Variants in MAP3K4 observed in about 807,000 individuals in gnomAD.
The protein encoded by MAP3K4 is MAP three kinase 1.
A neutral mutation model predicts 185.6 loss-of-function variants in MAP3K4; 67 were observed. That is an observed-to-expected ratio of 0.36 (90% CI 0.30 to 0.44). The LOEUF (loss-of-function observed/expected upper bound fraction) is 0.44, where lower values mean the gene tolerates loss of function less well. MAP3K4 is among the 20% of genes least tolerant of loss of function. The pLI is 1.00. For missense variants in MAP3K4, 1,551 were observed against 1,995.1 expected (o/e 0.78, Z 4.24); for synonymous variants, 702 against 710.4 (o/e 0.99, Z 0.19).
rs747821945 is a variant in MAP3K4 at position 161,043,690 on chromosome 6, AC to A, written c.344-4925del. Among the ~76,000 whole-genome samples the A allele has an allele frequency of 3.9e-5, 6 of 152,256 alleles. No homozygotes were observed. Among genetic ancestry groups the A allele is most frequent in the Non-Finnish European group, 8.8e-5 (6 of 68,042 alleles). On this transcript the variant is annotated intron_variant, in intron 2 of 26. Transcript: ENST00000392142. This position sits in a 1 kb window ranked among gnomAD's most constrained non-coding sequence, Gnocchi z 4.3. ...GAGCCATTGTAGCCATGTCAGAGAT[AC>A]GTGCACTTTAGCAGGAACGCAGTGA...
In MAP3K4 at chr6:161,108,146, G is replaced by C. The variant is rs970775780; in HGVS notation, c.4119+177G>C. On this transcript the variant is annotated intron_variant, in intron 21 of 26. Transcript: ENST00000392142. The surrounding 1 kb of genome is among the most constrained non-coding windows in gnomAD (Gnocchi z 5.7). ...GAGATAACACACACAGACAGTGAAG[G>C]GGCTTACGATTCCAGAGAGGATAAT... is the stretch of plus-strand genomic sequence containing the variant. 1.5e-4 allele frequency among the ~76,000 whole-genome samples: 23 copies of C among 152,206 alleles called. No individual in the cohort carries two copies. Among genetic ancestry groups the C allele is most frequent in the African/African-American group, 5.5e-4 (23 of 41,442 alleles).
chr6:161,113,933 G>A (rs556018087), intron 25 of MAP3K4, among the ~76,000 whole-genome samples: 16 of 151,768 alleles, frequency 1.1e-4, no homozygotes, highest in Non-Finnish European at 2.2e-4. Context: ...AAGTAGCTGG[G>A]ATTACAGGCA....
At position 161,065,933 on chromosome 6, in the gene MAP3K4, G is replaced by A. The variant is rs528130977; in HGVS notation, c.1708-4675G>A. 4.2e-4 allele frequency among the ~76,000 whole-genome samples: 15 copies of A among 35,660 alleles called. No individual in the cohort carries two copies. In the South Asian group the frequency reaches 9.6e-3, roughly 23 times the overall value. The allele number at this position is 35,660 out of a possible 152,430, so 23.4% of individuals were successfully genotyped here. A position where few individuals can be genotyped will look rare whatever the true frequency, so the allele number is the denominator to read the frequency against. On this transcript the variant is annotated intron_variant, in intron 3 of 26. Coordinates refer to ENST00000392142, the MANE Select transcript of MAP3K4 (RefSeq NM_005922.4). ...AGCCTGGGCAAAAGAGCAAGACTCC[G>A]TCTCAAAAAAAAAAAAAAAAAAAAG...
In MAP3K4 at chr6:161,007,261, A is replaced by G. The variant is rs1781631850; in HGVS notation, c.152+15178A>G. On this transcript the variant is annotated intron_variant, in intron 1 of 26. Coordinates refer to ENST00000392142, the MANE Select transcript of MAP3K4 (RefSeq NM_005922.4). The surrounding 1 kb of genome is among the most constrained non-coding windows in gnomAD (Gnocchi z 4.5). ...AAAACAAAGGAAAAATACAGTGGAC[A>G]GTTAAGTAGACGATTTTATTCGGGA... is the stretch of plus-strand genomic sequence containing the variant. Among the ~76,000 whole-genome samples the G allele has an allele frequency of 6.6e-6, 1 of 152,220 alleles. No homozygotes were observed. The highest frequency in any genetic ancestry group is 2.1e-4 in the South Asian group (1 of 4,826).
Position 161,093,105 on chromosome 6 carries a change from C to G in MAP3K4, c.3348+49C>G. Reference sequence around the variant, plus strand: ...TTCATTATAAAATAAGCCAGTCACTCCTTATTTTCTGGTTGTATATGTTTT... The same window carrying G: ...TTCATTATAAAATAAGCCAGTCACTGCTTATTTTCTGGTTGTATATGTTTT... On this transcript the variant is annotated intron_variant, in intron 14 of 26. Transcript: ENST00000392142. This position sits in a 1 kb window ranked among gnomAD's most constrained non-coding sequence, Gnocchi z 5.2. 7.9e-7 allele frequency: 1 copy of G among 1,263,450 alleles called. No homozygotes were observed. Among genetic ancestry groups the G allele is most frequent in the Non-Finnish European group, 1.1e-6 (1 of 876,414 alleles). 78.3% of individuals were successfully genotyped at this position (1,263,450 alleles called of 1,614,324 possible). A position where few individuals can be genotyped will look rare whatever the true frequency, so the allele number is the denominator to read the frequency against.
chr6:161,048,937 G>A lies in MAP3K4; in HGVS notation c.665G>A (p.Arg222His). The A allele has an allele frequency of 1.2e-6, 2 of 1,613,956 alleles. No individual in the cohort carries two copies. Among genetic ancestry groups the A allele is most frequent in the Non-Finnish European group, 8.5e-7 (1 of 1,179,936 alleles). ...TCTAGGACTGACTGTCCAGCAGATCGTTTAAAGTTTTTTGAAACTTTACGA... is the reference window on the plus strand; with the variant it reads ...TCTAGGACTGACTGTCCAGCAGATCATTTAAAGTTTTTTGAAACTTTACGA... Reference protein sequence around the residue: ...QTSRTDCPADRLKFFETLRLL... With the variant: ...QTSRTDCPADHLKFFETLRLL... The change falls in exon 3 of 27, where the codon CGT (arginine) becomes CAT (histidine). Residue 222 changes from arginine to histidine, a missense_variant. This residue lies in a region of MAP3K4 where 69 missense variants were observed against 124.8 expected (regional missense o/e 0.55). Coordinates refer to ENST00000392142, the MANE Select transcript of MAP3K4 (RefSeq NM_005922.4). The surrounding 1 kb of genome is among the most constrained non-coding windows in gnomAD (Gnocchi z 4.7).
chr6:161,029,057 C>T (rs989259725), intron 1 of MAP3K4, among the ~76,000 whole-genome samples: 8 of 152,162 alleles, frequency 5.3e-5, no homozygotes, highest in African/African-American at 1.7e-4. Flanking sequence ...AAATCTATCC[C>T]TTCTGCCTAT....
chr6:160,993,473 T>C (rs530431257), intron 1 of MAP3K4, among the ~76,000 whole-genome samples: 9 of 152,340 alleles, frequency 5.9e-5, no homozygotes, highest in Admixed American at 1.3e-4. Flanking sequence ...CCTGTTATAC[T>C]CTCTTTTTGA....
chr6:161,002,454 C>T (rs1426728209), intron 1 of MAP3K4, among the ~76,000 whole-genome samples: 8 of 151,962 alleles, frequency 5.3e-5, no homozygotes, highest in South Asian at 2.1e-4. Context: ...GAAATCTTCT[C>T]GCTTAATAAA....
Position 161,074,473 on chromosome 6 carries a change from G to T in MAP3K4, c.2097+861G>T, listed in dbSNP as rs867485957. Among the ~76,000 whole-genome samples, 1 of 152,054 alleles carries T rather than the reference G, an allele frequency of 6.6e-6. No individual in the cohort carries two copies. Among genetic ancestry groups the T allele is most frequent in the Non-Finnish European group, 1.5e-5 (1 of 68,008 alleles). On this transcript the variant is annotated intron_variant, in intron 5 of 26. Coordinates refer to ENST00000392142, the MANE Select transcript of MAP3K4 (RefSeq NM_005922.4). This position sits in a 1 kb window ranked among gnomAD's most constrained non-coding sequence, Gnocchi z 5.0. Reference sequence around the variant, plus strand: ...CTTTATCTGACAGTTTTAACTTTTAGTCTGTGTTTATACCTTCTTTGAACT... The same window carrying T: ...CTTTATCTGACAGTTTTAACTTTTATTCTGTGTTTATACCTTCTTTGAACT...
In MAP3K4 at chr6:161,109,564, A is replaced by C. The variant is rs1437250102; in HGVS notation, c.4237-191A>C. On this transcript the variant is annotated intron_variant, in intron 22 of 26. Transcript: ENST00000392142. The surrounding 1 kb of genome is among the most constrained non-coding windows in gnomAD (Gnocchi z 5.7). ...CTGTATAATTCCAGACAGAGGAGGC[A>C]GGCAGACACCTCTATAGAGGACTTA... 6.6e-6 allele frequency among the ~76,000 whole-genome samples: 1 copy of C among 152,146 alleles called. No homozygotes were observed. Among genetic ancestry groups the C allele is most frequent in the Non-Finnish European group, 1.5e-5 (1 of 68,014 alleles).
chr6:161,010,416 A>G (rs1781791340), intron 1 of MAP3K4, among the ~76,000 whole-genome samples: 1 of 152,202 alleles, frequency 6.6e-6, no homozygotes, highest in Non-Finnish European at 1.5e-5. Flanking sequence ...AATTATCCCT[A>G]TTTTAGGCTA....
Position 161,070,793 on chromosome 6 carries a change from G to A in MAP3K4, c.1893G>A (p.Leu631=). 6.2e-7 allele frequency: 1 copy of A among 1,614,034 alleles called. No individual in the cohort carries two copies. The highest frequency in any genetic ancestry group is 1.1e-5 in the South Asian group (1 of 91,034). The change falls in exon 4 of 27, where the codon CTG becomes CTA. Residue 631 remains leucine, a synonymous_variant. Coordinates refer to ENST00000392142, the MANE Select transcript of MAP3K4 (RefSeq NM_005922.4). The surrounding 1 kb of genome is among the most constrained non-coding windows in gnomAD (Gnocchi z 4.5). ...RVLLNVIHEC[L]KLRLEQRPAG... ...TTCTGAATGTCATACATGAGTGTCT[G>A]AAGTTAAGATTGGAGCAGAGACCTG...
rs1784085963 is a variant in MAP3K4, at chr6:161,053,288, A to G, written c.1707+3309A>G. ...ACTCACCATCATGAGAACAGCACCA[A>G]TGGGATGGTACTAAACGGTCACCTC... On this transcript the variant is annotated intron_variant, in intron 3 of 26. Transcript: ENST00000392142. The surrounding 1 kb of genome is among the most constrained non-coding windows in gnomAD (Gnocchi z 4.2). Among the ~76,000 whole-genome samples the G allele has an allele frequency of 6.6e-6, 1 of 152,150 alleles. No individual in the cohort carries two copies. Among genetic ancestry groups the G allele is most frequent in the Non-Finnish European group, 1.5e-5 (1 of 68,030 alleles).
At position 161,076,049 on chromosome 6, in the gene MAP3K4, A is replaced by AG. The variant is rs1785162310; in HGVS notation, c.2097+2439dup. 6.6e-6 allele frequency among the ~76,000 whole-genome samples: 1 copy of AG among 152,214 alleles called. No individual in the cohort carries two copies. Among genetic ancestry groups the AG allele is most frequent in the African/African-American group, 2.4e-5 (1 of 41,446 alleles). On this transcript the variant is annotated intron_variant, in intron 5 of 26. Coordinates refer to ENST00000392142, the MANE Select transcript of MAP3K4 (RefSeq NM_005922.4). This position sits in a 1 kb window ranked among gnomAD's most constrained non-coding sequence, Gnocchi z 4.2. ...AATGGAAAAATTCCTTCTTCAGAGA[A>AG]GGAGGAAATTGGCCACAATATCCTT...
At chr6:161,014,562 C>A (rs1037720617) in intron 1 of MAP3K4, among the ~76,000 whole-genome samples, 1 of 152,070 alleles carries the variant, frequency 6.6e-6, no homozygotes, top group African/African-American at 2.4e-5. Flanking sequence ...TGAGATAGTC[C>A]CTTTTTTTAT....
rs1470694304 is a variant in MAP3K4 at position 161,071,303 on chromosome 6, A to G, written c.1950+453A>G. On this transcript the variant is annotated intron_variant, in intron 4 of 26. Coordinates refer to ENST00000392142, the MANE Select transcript of MAP3K4 (RefSeq NM_005922.4). The surrounding 1 kb of genome is among the most constrained non-coding windows in gnomAD (Gnocchi z 4.6). ...GCTTATGATTTCTTCGTTGTTGTTC[A>G]TTCTGGGTGGGATCTTACGGATGTT... 1.3e-5 allele frequency among the ~76,000 whole-genome samples: 2 copies of G among 152,188 alleles called. No individual in the cohort carries two copies. Among genetic ancestry groups the G allele is most frequent in the Non-Finnish European group, 2.9e-5 (2 of 68,032 alleles).
intron 5 of MAP3K4, among the ~76,000 whole-genome samples, chr6:161,078,632 A>G (rs1321736849): frequency 2.3e-4 from 35 of 152,200 alleles, no homozygotes; most frequent in Non-Finnish European, 1.5e-5. Context: ...GGCAATGACA[A>G]GATCCAAGGT....
At chr6:161,015,394 C>A (rs1339976742) in intron 1 of MAP3K4, among the ~76,000 whole-genome samples, 3 of 152,052 alleles carry the variant, frequency 2.0e-5, no homozygotes, top group Non-Finnish European at 4.4e-5. Flanking sequence ...GTGCAGCAAA[C>A]CACCATGGCA....
Sources: allele counts gnomAD v4.1 joint callset (sites outside exome capture counted in the v4.1 genomes callset), GRCh38; gene constraint gnomAD v4.1.1; regional missense constraint gnomAD v4.1.1; non-coding constraint Gnocchi (gnomAD v3.1); transcripts MANE v1.5; gene names NCBI Gene and HGNC (gene_info 2026-07-23, HGNC 2026-07-21).